Variants in FMN2 observed in about 807,000 individuals in gnomAD.
FMN2 encodes the protein formin 2.
Under a neutral mutation model 142.3 loss-of-function variants are expected in FMN2, and 51 were observed. The observed-to-expected ratio is 0.36, with a 90% CI of 0.29 to 0.45. The LOEUF is 0.45. FMN2 is among the 20% of genes least tolerant of loss of function. The probability of loss-of-function intolerance (pLI) is 1.00; values close to 1 mark genes in which losing one functional copy is unlikely to be tolerated. For synonymous variants in FMN2, 882 were observed against 869.8 expected, an observed-to-expected ratio of 1.01 and a Z score of -0.25; for missense variants, 1,936 against 2,122.8, an observed-to-expected ratio of 0.91 and a Z score of 1.73.
chr1:240,418,101 C>T (rs1674639879), intron 15 of FMN2, among the ~76,000 whole-genome samples: 1 of 151,700 alleles, frequency 6.6e-6, no homozygotes, highest in Non-Finnish European at 1.5e-5. Context: ...TAAGACATGT[C>T]ATTTGTAAGC....
intron 6 of FMN2, 37 bp from the exon 7 acceptor site, chr1:240,257,908 A>G (rs1009675056): frequency 2.5e-6 from 4 of 1,570,960 alleles, no homozygotes; most frequent in South Asian, 1.1e-5. Flanking sequence ...TGGAGTTCAA[A>G]TTAACATTTT....
chr1:240,424,151 T>C (rs966436486), intron 15 of FMN2, among the ~76,000 whole-genome samples: 1 of 152,236 alleles, frequency 6.6e-6, no homozygotes, highest in African/African-American at 2.4e-5. Flanking sequence ...TATACATACA[T>C]AGGTGTACAT....
intron 16 of FMN2, among the ~76,000 whole-genome samples, chr1:240,459,735 A>T (rs1296214018): frequency 9.2e-6 from 1 of 108,282 alleles, no homozygotes; most frequent in Non-Finnish European, 1.8e-5. Context: ...AAAAAAAAAA[A>T]AAAAAAAAAA....
At chr1:240,404,999 T>C (rs1162434375) in intron 15 of FMN2, among the ~76,000 whole-genome samples, 1 of 152,230 alleles carries the variant, frequency 6.6e-6, no homozygotes. Context: ...AGCTTTCCTT[T>C]GTATAAACTT....
chr1:240,314,174 C>G (rs746440608), intron 8 of FMN2, among the ~76,000 whole-genome samples: 1 of 152,086 alleles, frequency 6.6e-6, no homozygotes, highest in Non-Finnish European at 1.5e-5. Flanking sequence ...CCACTGCTAG[C>G]ATTCTATGAA....
chr1:240,329,166 C>G lies in FMN2; in HGVS notation c.4306C>G (p.Gln1436Glu). Residue 1436 changes from glutamine (Q) to glutamate (E), a missense_variant and splice_region_variant, in exon 9 of 18, where the codon CAG (glutamine) becomes GAG (glutamate). Physicochemically the swap from Gln to Glu is conservative, Grantham distance 29. This residue lies in a region of FMN2 where 322 missense variants were observed against 401.6 expected (regional missense o/e 0.80). Transcript: ENST00000319653. ...ENAKSLDKPE[Q>E]FLYELSLIPN... ...TGCCAAGTCTCTGGACAAACCTGAA[C>G]AGTAAGCATGTCTTATAACCACGTA... is the stretch of plus-strand genomic sequence containing the variant. 1 of 1,614,076 alleles carries G rather than the reference C, an allele frequency of 6.2e-7. No individual in the cohort carries two copies. Among genetic ancestry groups the G allele is most frequent in the South Asian group, 1.1e-5 (1 of 91,068 alleles).
At chr1:240,225,707 C>G (rs1667274422) in intron 6 of FMN2, among the ~76,000 whole-genome samples, 1 of 151,940 alleles carries the variant, frequency 6.6e-6, no homozygotes, top group African/African-American at 2.4e-5. Flanking sequence ...AAACAGGCAA[C>G]AGAAACATTA....
chr1:240,290,855 A>T (rs112952666), intron 7 of FMN2, among the ~76,000 whole-genome samples: 164 of 131,182 alleles, frequency 1.3e-3, no homozygotes, highest in African/African-American at 3.9e-3. Flanking sequence ...CAGAGGCATG[A>T]TCTTGGCTCA....
At position 240,329,254 on chromosome 1, in the gene FMN2, T is replaced by G. The variant is rs1425407656; in HGVS notation, c.4308-85T>G. Reference sequence around the variant, plus strand: ...GAAAATGCAAATGCGGTGTCTTCAGTGCATACTTGTTGTGAATGAGATGAG... The same window carrying G: ...GAAAATGCAAATGCGGTGTCTTCAGGGCATACTTGTTGTGAATGAGATGAG... On this transcript the variant is annotated intron_variant, in intron 9 of 17. Transcript: ENST00000319653. 5.6e-6 allele frequency: 9 copies of G among 1,594,558 alleles called. No homozygotes were observed. In the East Asian group the frequency reaches 1.6e-4, roughly 28 times the overall value.
chr1:240,167,046 T>TGGGAGGCAGAAGTTGCA (rs1325379170), intron 2 of FMN2, among the ~76,000 whole-genome samples: 1 of 152,086 alleles, frequency 6.6e-6, no homozygotes, highest in Admixed American at 6.5e-5. Context: ...CAAACCAACT[T>TGGGAGGCAGAAGTTGCA]GGGAGGCAGA....
At chr1:240,403,793 G>C (rs1194836967) in intron 15 of FMN2, among the ~76,000 whole-genome samples, 2 of 152,124 alleles carry the variant, frequency 1.3e-5, no homozygotes, top group Admixed American at 6.5e-5. Flanking sequence ...AGATTGGACT[G>C]TATAGTTTAA....
At chr1:240,342,474 C>CT (rs1671776070) in intron 13 of FMN2, among the ~76,000 whole-genome samples, 1 of 152,170 alleles carries the variant, frequency 6.6e-6, no homozygotes, top group African/African-American at 2.4e-5. Flanking sequence ...TTTCACTGCT[C>CT]TTAAGTATAT....
chr1:240,177,808 T>C (rs1045954619), intron 2 of FMN2, 113 bp from the exon 3 acceptor site: 76 of 848,036 alleles, frequency 9.0e-5, no homozygotes, highest in Non-Finnish European at 1.1e-4. Flanking sequence ...GTTTCATATA[T>C]GTATGCATAT....
intron 15 of FMN2, among the ~76,000 whole-genome samples, chr1:240,399,338 G>A (rs2103107717): frequency 6.6e-6 from 1 of 151,436 alleles, no homozygotes; most frequent in African/African-American, 2.4e-5. Flanking sequence ...CCATTAAACT[G>A]GAAAAAACAA....
intron 6 of FMN2, among the ~76,000 whole-genome samples, chr1:240,221,353 A>T (rs1033170904): frequency 6.6e-6 from 1 of 152,128 alleles, no homozygotes; most frequent in African/African-American, 2.4e-5. Flanking sequence ...AAGTGTTCCT[A>T]TTTCTCCACA....
chr1:240,269,284 C>T (rs1197588645), intron 7 of FMN2, among the ~76,000 whole-genome samples: 1 of 151,868 alleles, frequency 6.6e-6, no homozygotes, highest in East Asian at 1.9e-4. Context: ...TTAATAACAC[C>T]TTTTATTAAA....
intron 14 of FMN2, among the ~76,000 whole-genome samples, chr1:240,358,096 T>C (rs141272066): frequency 2.2e-4 from 33 of 152,362 alleles, no homozygotes; most frequent in African/African-American, 7.2e-4. Context: ...CTTCCACTAC[T>C]TTCAGTTGCC....
chr1:240,242,489 G>C (rs1667944332), intron 6 of FMN2, among the ~76,000 whole-genome samples: 1 of 152,146 alleles, frequency 6.6e-6, no homozygotes, highest in Non-Finnish European at 1.5e-5. Flanking sequence ...GACTAAATAA[G>C]AATGAAAGCA....
chr1:240,380,960 A>G (rs560404608), intron 14 of FMN2, among the ~76,000 whole-genome samples: 1 of 152,332 alleles, frequency 6.6e-6, no homozygotes, highest in South Asian at 2.1e-4. Context: ...GAGCATCTCT[A>G]TGCCCACAAA....
Sources: gnomAD v4.1 joint callset for allele counts (sites outside exome capture counted in the v4.1 genomes callset) on GRCh38, gnomAD v4.1.1 for gene constraint, gnomAD v4.1.1 regional missense constraint, MANE v1.5 for transcripts, NCBI Gene and HGNC (gene_info 2026-07-23, HGNC 2026-07-21) for gene names.